PALM2AKAP2: variants seen among roughly 807,000 people sequenced by gnomAD.
PALM2AKAP2 encodes PALM2 and AKAP2 fusion.
In PALM2AKAP2, 37 loss-of-function variants were observed where a neutral mutation model predicts 71.5. The ratio of observed to expected loss-of-function variants is 0.52; its 90% CI spans 0.40 to 0.68. The LOEUF is 0.68. Among genes scored for constraint, PALM2AKAP2 ranks in the 30% least tolerant of loss-of-function variants. The pLI, the probability that PALM2AKAP2 is intolerant of heterozygous loss-of-function variation, is 0.00. For missense variants in PALM2AKAP2, 1,224 were observed against 1,191.8 expected, an observed-to-expected ratio of 1.03 and a Z score of -0.40; for synonymous variants, 468 against 478.8, an observed-to-expected ratio of 0.98 and a Z score of 0.29.
chr9:109,643,766 G>A (rs1191168916), intron 1 of PALM2AKAP2, among the ~76,000 whole-genome samples: 1 of 152,128 alleles, frequency 6.6e-6, no homozygotes, highest in Non-Finnish European at 1.5e-5. Context: ...TACTTCGTTT[G>A]CTTCCTTAAT....
At chr9:110,064,905 A>G (rs1834044094) in intron 1 of PALM2AKAP2, among the ~76,000 whole-genome samples, 1 of 152,210 alleles carries the variant, frequency 6.6e-6, no homozygotes, top group Non-Finnish European at 1.5e-5. Context: ...AGACAGGAAG[A>G]GGCTGAGGTC....
exon 2 of PALM2AKAP2, chr9:110,137,591 C>A (rs748714786): frequency 3.1e-6 from 5 of 1,614,126 alleles, no homozygotes; most frequent in Non-Finnish European, 3.4e-6. Context: ...GGATGATGAC[C>A]ATGGGATTTT....
intron 6 of PALM2AKAP2, among the ~76,000 whole-genome samples, chr9:109,995,436 C>G (rs1164969072): frequency 1.3e-5 from 2 of 152,190 alleles, no homozygotes; most frequent in Non-Finnish European, 2.9e-5. Flanking sequence ...GTGCATTAGT[C>G]TATCCTCACG....
intron 1 of PALM2AKAP2, among the ~76,000 whole-genome samples, chr9:109,805,057 T>C (rs1716047543): frequency 6.6e-6 from 1 of 152,260 alleles, no homozygotes; most frequent in Non-Finnish European, 1.5e-5. Context: ...TTTAATTGGC[T>C]ACGTAATTGT....
chr9:110,161,782 C>G (rs538312950), intron 3 of PALM2AKAP2, among the ~76,000 whole-genome samples: 1 of 152,088 alleles, frequency 6.6e-6, no homozygotes, highest in African/African-American at 2.4e-5. Flanking sequence ...TGGTGGGCAG[C>G]TGATTGTGTA....
At chr9:109,837,173 G>A (rs961007295) in intron 1 of PALM2AKAP2, among the ~76,000 whole-genome samples, 2 of 152,202 alleles carry the variant, frequency 1.3e-5, no homozygotes, top group Non-Finnish European at 2.9e-5. Flanking sequence ...GACTAACAGT[G>A]GATCTCTCTG....
upstream of PALM2AKAP2, chr9:110,048,569 G>A: frequency 1.1e-6 from 1 of 934,336 alleles, no homozygotes; most frequent in Non-Finnish European, 1.5e-6. Flanking sequence ...GAGGGGAGGG[G>A]AGGGAGGGGC....
intron 1 of PALM2AKAP2, among the ~76,000 whole-genome samples, chr9:110,083,448 T>C (rs1403629639): frequency 6.6e-6 from 1 of 152,234 alleles, no homozygotes; most frequent in Non-Finnish European, 1.5e-5. Flanking sequence ...GTTTTAATAA[T>C]GTTGAAACAT....
chr9:109,683,289 G>C (rs1169949714), intron 1 of PALM2AKAP2, among the ~76,000 whole-genome samples: 1 of 152,136 alleles, frequency 6.6e-6, no homozygotes, highest in African/African-American at 2.4e-5. Flanking sequence ...AGCAAGAATG[G>C]ATTAATACAG....
At chr9:110,146,835 T>C (rs1209948995) in intron 2 of PALM2AKAP2, among the ~76,000 whole-genome samples, 2 of 152,122 alleles carry the variant, frequency 1.3e-5, no homozygotes, top group Non-Finnish European at 2.9e-5. Flanking sequence ...AAAGAATATA[T>C]GTGTAGTTCT....
At chr9:109,768,893 G>C (rs2118759475) in intron 1 of PALM2AKAP2, among the ~76,000 whole-genome samples, 1 of 152,298 alleles carries the variant, frequency 6.6e-6, no homozygotes, top group Non-Finnish European at 1.5e-5. Context: ...GCCAAGGTGG[G>C]AGGATTGCTT....
intron 5 of PALM2AKAP2, among the ~76,000 whole-genome samples, chr9:109,926,289 T>C (rs895726838): frequency 2.0e-5 from 3 of 152,184 alleles, no homozygotes; most frequent in East Asian, 1.9e-4. Context: ...AATTTTTTTT[T>C]CCCCTAGCAA....
At chr9:110,063,953 A>G (rs1341882048) in intron 1 of PALM2AKAP2, among the ~76,000 whole-genome samples, 1 of 152,200 alleles carries the variant, frequency 6.6e-6, no homozygotes, top group Non-Finnish European at 1.5e-5. Context: ...TTACCAGTTC[A>G]TGCAGGCATG....
At chr9:109,833,824 A>G (rs556020214) in intron 1 of PALM2AKAP2, among the ~76,000 whole-genome samples, 14 of 152,340 alleles carry the variant, frequency 9.2e-5, no homozygotes, top group African/African-American at 3.1e-4. Context: ...CCCCAAGTTG[A>G]GAGCCTCTGT....
At chr9:109,871,568 C>T (rs1322978119) in intron 2 of PALM2AKAP2, among the ~76,000 whole-genome samples, 1 of 152,088 alleles carries the variant, frequency 6.6e-6, no homozygotes, top group Non-Finnish European at 1.5e-5. Flanking sequence ...GTACTCTATA[C>T]TTACCATTCA....
chr9:109,758,750 A>G (rs1829005627), intron 1 of PALM2AKAP2, among the ~76,000 whole-genome samples: 1 of 152,038 alleles, frequency 6.6e-6, no homozygotes, highest in African/African-American at 2.4e-5. Flanking sequence ...ATGTATTCTC[A>G]TTTAAAGATT....
chr9:109,690,424 C>A (rs532226415), intron 1 of PALM2AKAP2, among the ~76,000 whole-genome samples: 145 of 152,300 alleles, frequency 9.5e-4, no homozygotes, highest in African/African-American at 3.3e-3. Context: ...AAAGGCCCAT[C>A]TGTTCTCTGC....
chr9:109,835,115 C>T (rs1247126026), intron 1 of PALM2AKAP2, among the ~76,000 whole-genome samples: 1 of 151,478 alleles, frequency 6.6e-6, no homozygotes, highest in Non-Finnish European at 1.5e-5. Context: ...TTAACAGCCC[C>T]AGTGGTTGAG....
At chr9:110,151,675 A>G (rs1836318082) in intron 2 of PALM2AKAP2, among the ~76,000 whole-genome samples, 1 of 152,220 alleles carries the variant, frequency 6.6e-6, no homozygotes, top group Admixed American at 6.5e-5. Flanking sequence ...TCAAAGGCTT[A>G]AGTCTAAAAT....
Sources: gnomAD v4.1 joint callset for allele counts (sites outside exome capture counted in the v4.1 genomes callset) on GRCh38, gnomAD v4.1.1 for gene constraint, MANE v1.5 for transcripts, NCBI Gene and HGNC (gene_info 2026-07-23, HGNC 2026-07-21) for gene names.